The following PTPN2 variants were observed in gnomAD, a reference collection of about 807,000 sequenced individuals.
PTPN2 encodes tyrosine-protein phosphatase non-receptor type 2.
PTPN2 carries 19 observed loss-of-function variants against 57.3 expected under a neutral mutation model. The ratio of observed to expected loss-of-function variants is 0.33; its 90% CI spans 0.23 to 0.49. The LOEUF is 0.49. Among genes scored for constraint, PTPN2 ranks in the 20% least tolerant of loss-of-function variants. The probability of loss-of-function intolerance (pLI) is 0.99; values close to 1 mark genes in which losing one functional copy is unlikely to be tolerated. For missense variants in PTPN2, 358 were observed against 501.1 expected (o/e 0.71, Z 2.73); for synonymous variants, 153 against 164.9 (o/e 0.93, Z 0.55).
At chr18:12,842,934 A>G (rs1272939481) in intron 2 of PTPN2, among the ~76,000 whole-genome samples, 4 of 152,254 alleles carry the variant, frequency 2.6e-5, no homozygotes, top group Admixed American at 2.6e-4. Flanking sequence ...ACCCATTCTG[A>G]ACCATAAGCA....
downstream of PTPN2, chr18:12,787,704 G>A (rs1045574226): frequency 1.3e-5 from 2 of 152,202 alleles, no homozygotes; most frequent in Non-Finnish European, 2.9e-5. Context: ...AGACTGAAAA[G>A]ACAAATGGGC....
chr18:12,855,903 A>C (rs1228928186), intron 2 of PTPN2, among the ~76,000 whole-genome samples: 1 of 152,228 alleles, frequency 6.6e-6, no homozygotes, highest in Non-Finnish European at 1.5e-5. Context: ...TACATTTTTT[A>C]ATCGAAATTT....
chr18:12,807,600 T>TACAC (rs1486671576), intron 7 of PTPN2, among the ~76,000 whole-genome samples: 6 of 85,216 alleles, frequency 7.0e-5, no homozygotes, highest in South Asian at 1.2e-3. Context: ...TATATATATA[T>TACAC]ATATAATATA....
intron 1 of PTPN2, among the ~76,000 whole-genome samples, chr18:12,866,670 TA>T: frequency 6.6e-6 from 1 of 151,906 alleles, no homozygotes. Flanking sequence ...GTGAATATAC[TA>T]AAAACCACTA....
intron 7 of PTPN2, among the ~76,000 whole-genome samples, chr18:12,810,157 G>C (rs966792805): frequency 6.6e-6 from 1 of 152,124 alleles, no homozygotes; most frequent in Non-Finnish European, 1.5e-5. Flanking sequence ...ACTCTAGCCT[G>C]GGTGAAAGAT....
At chr18:12,866,554 G>T (rs1399689244) in intron 1 of PTPN2, among the ~76,000 whole-genome samples, 1 of 152,204 alleles carries the variant, frequency 6.6e-6, no homozygotes, top group Non-Finnish European at 1.5e-5. Context: ...TAGATTAGTG[G>T]TTGTCAGGGG....
chr18:12,832,054 G>A (rs1255540811), intron 3 of PTPN2, among the ~76,000 whole-genome samples: 1 of 152,182 alleles, frequency 6.6e-6, no homozygotes, highest in Non-Finnish European at 1.5e-5. Context: ...AGTCAGGAGT[G>A]GGGGCTAGGG....
chr18:12,807,605 A>ATATATATATATATAT (rs1555660843), intron 7 of PTPN2, among the ~76,000 whole-genome samples: 5 of 110,514 alleles, frequency 4.5e-5, no homozygotes, highest in Admixed American at 2.2e-4. Context: ...ATATATATAT[A>ATATATATATATATAT]ATATAATACT....
At chr18:12,822,406 T>A (rs1445317543) in intron 5 of PTPN2, among the ~76,000 whole-genome samples, 1 of 152,208 alleles carries the variant, frequency 6.6e-6, no homozygotes, top group Non-Finnish European at 1.5e-5. Flanking sequence ...GTACTCTAGA[T>A]GACCTTATAT....
At chr18:12,822,605 T>G (rs1446263886) in intron 5 of PTPN2, among the ~76,000 whole-genome samples, 1 of 152,170 alleles carries the variant, frequency 6.6e-6, no homozygotes, top group East Asian at 1.9e-4. Flanking sequence ...AGACAACAGC[T>G]TTACCTTTGG....
intron 7 of PTPN2, among the ~76,000 whole-genome samples, chr18:12,802,728 T>A (rs2041477884): frequency 6.6e-6 from 1 of 152,130 alleles, no homozygotes; most frequent in South Asian, 2.1e-4. Context: ...GATAATATAT[T>A]CAAAGTGCTG....
intron 6 of PTPN2, among the ~76,000 whole-genome samples, chr18:12,816,848 A>G (rs1273265932): frequency 6.6e-6 from 1 of 152,188 alleles, no homozygotes. Flanking sequence ...AAGGAATTCA[A>G]TATTACATAT....
chr18:12,870,273 G>GCGTGTA (rs1555679400), intron 1 of PTPN2, among the ~76,000 whole-genome samples: 15 of 81,744 alleles, frequency 1.8e-4, no homozygotes, highest in African/African-American at 9.8e-4. Flanking sequence ...ATATATATAT[G>GCGTGTA]TATATATATA....
chr18:12,798,790 G>A (rs1050851266), intron 8 of PTPN2, among the ~76,000 whole-genome samples: 8 of 152,146 alleles, frequency 5.3e-5, no homozygotes, highest in African/African-American at 1.9e-4. Context: ...GGATTGCTGG[G>A]TTGAATGGTA....
At chr18:12,857,186 G>A (rs938418059) in intron 2 of PTPN2, among the ~76,000 whole-genome samples, 3 of 152,094 alleles carry the variant, frequency 2.0e-5, no homozygotes, top group African/African-American at 7.2e-5. Context: ...GGCAACACCA[G>A]GTTAGGGAAG....
intron 1 of PTPN2, among the ~76,000 whole-genome samples, chr18:12,872,781 A>G (rs537411819): frequency 1.3e-5 from 2 of 152,372 alleles, no homozygotes; most frequent in African/African-American, 4.8e-5. Flanking sequence ...CTGTTAAGTC[A>G]AAACAACTTC....
At chr18:12,883,712 C>T (rs533181391) in intron 1 of PTPN2, 169 of 191,744 alleles carry the variant, frequency 8.8e-4, no homozygotes, top group Non-Finnish European at 1.2e-3. Flanking sequence ...GGCCCGGGGG[C>T]GCGCGCCCGA....
At chr18:12,881,072 C>CTG (rs1244312518) in intron 1 of PTPN2, among the ~76,000 whole-genome samples, 1 of 152,218 alleles carries the variant, frequency 6.6e-6, no homozygotes, top group Non-Finnish European at 1.5e-5. Flanking sequence ...CAACCGACTA[C>CTG]TGCCCTGTGC....
chr18:12,874,161 G>A (rs1288175353), intron 1 of PTPN2, among the ~76,000 whole-genome samples: 1 of 151,580 alleles, frequency 6.6e-6, no homozygotes, highest in African/African-American at 2.4e-5. Context: ...GGAGGTGGGG[G>A]TCAGCCCCCG....
Sources: gnomAD v4.1 joint callset for allele counts (sites outside exome capture counted in the v4.1 genomes callset) on GRCh38, gnomAD v4.1.1 for gene constraint, MANE v1.5 for transcripts, NCBI Gene and HGNC (gene_info 2026-07-23, HGNC 2026-07-21) for gene names.